AGO1: variants seen among roughly 807,000 people sequenced by gnomAD.
AGO1 encodes the protein protein argonaute-1.
AGO1 carries 11 observed loss-of-function variants against 109.2 expected under a neutral mutation model. The observed-to-expected ratio is 0.10, with a 90% CI of 0.06 to 0.17. The LOEUF (loss-of-function observed/expected upper bound fraction) is 0.17, where lower values mean the gene tolerates loss of function less well. Ranked by LOEUF, AGO1 falls within the 10% of genes least tolerant of loss-of-function variation. The probability of loss-of-function intolerance (pLI) is 1.00; values close to 1 mark genes in which losing one functional copy is unlikely to be tolerated. For missense variants in AGO1, 574 were observed against 1,140.3 expected, an observed-to-expected ratio of 0.50 and a Z score of 7.15; for synonymous variants, 422 against 418.6, an observed-to-expected ratio of 1.01 and a Z score of -0.10.
intron 8 of AGO1, among the ~76,000 whole-genome samples, chr1:35,895,716 C>T (rs1370210746): frequency 6.6e-6 from 1 of 152,082 alleles, no homozygotes; most frequent in African/African-American, 2.4e-5. Flanking sequence ...AGTTTTAGCC[C>T]CAAGATTGTC....
intron 2 of AGO1, 57 bp from the exon 3 acceptor site, chr1:35,892,500 A>G: frequency 6.2e-7 from 1 of 1,613,358 alleles, no homozygotes; most frequent in Non-Finnish European, 8.5e-7. Context: ...AATTACTTCC[A>G]AAACTTGAAG....
intron 11 of AGO1, among the ~76,000 whole-genome samples, chr1:35,904,487 T>C (rs1313641444): frequency 6.6e-6 from 1 of 152,226 alleles, no homozygotes; most frequent in Non-Finnish European, 1.5e-5. Flanking sequence ...CTTTGTGCCA[T>C]AGTCACTTCA....
chr1:35,888,736 A>C lies in AGO1; in HGVS notation c.209+126A>C. The C allele has an allele frequency of 4.8e-6, 5 of 1,038,816 alleles. No homozygotes were observed. In the South Asian group the frequency reaches 8.4e-5, roughly 18 times the overall value. 64.3% of individuals were successfully genotyped at this position (1,038,816 alleles called of 1,614,324 possible). A position where few individuals can be genotyped will look rare whatever the true frequency, so the allele number is the denominator to read the frequency against. On this transcript the variant is annotated intron_variant, in intron 2 of 18. Transcript: ENST00000373204. The surrounding 1 kb of genome is among the most constrained non-coding windows in gnomAD (Gnocchi z 4.1). ...ATCTAAGGAAGTTTTTGAACGGGAG[A>C]TGCCACGTCGGGTAAATGCTGAAAA...
chr1:35,901,442 G>T lies in AGO1; in HGVS notation c.1021-32G>T, dbSNP rs1413993794. On this transcript the variant is annotated intron_variant, in intron 8 of 18. Coordinates refer to ENST00000373204, the MANE Select transcript of AGO1 (RefSeq NM_012199.5). This position sits in a 1 kb window ranked among gnomAD's most constrained non-coding sequence, Gnocchi z 4.8. Reference sequence around the variant, plus strand: ...TGGGTACAGGGTGGACTGTACTCAAGCCAGAGCTACCTGTCCTTCTTGTTT... The same window carrying T: ...TGGGTACAGGGTGGACTGTACTCAATCCAGAGCTACCTGTCCTTCTTGTTT... The T allele has an allele frequency of 6.2e-7, 1 of 1,613,622 alleles. No individual in the cohort carries two copies. The highest frequency in any genetic ancestry group is 2.2e-5 in the East Asian group (1 of 44,868).
At position 35,915,496 on chromosome 1, in the gene AGO1, G is replaced by A; in HGVS notation, c.1982G>A (p.Arg661His). ...AAGTCCACCCGTTTCAAGCCTACCC[G>A]CATCATCTTCTACCGAGATGGGGTG... ...FYKSTRFKPT[R>H]IIFYRDGVPE... The change falls in exon 15 of 19, where the codon CGC (arginine) becomes CAC (histidine). Residue 661 changes from arginine to histidine, a missense_variant. Physicochemically the swap from Arg to His is conservative, Grantham distance 29. This residue lies in a region of AGO1 where 45 missense variants were observed against 61.3 expected (regional missense o/e 0.73). Coordinates refer to ENST00000373204, the MANE Select transcript of AGO1 (RefSeq NM_012199.5). The A allele has an allele frequency of 6.2e-7, 1 of 1,614,106 alleles. No homozygotes were observed. The highest frequency in any genetic ancestry group is 1.1e-5 in the South Asian group (1 of 91,076).
rs1206979418 is a variant in AGO1 at position 35,913,778 on chromosome 1, G to A, written c.1583-64G>A. ...TCCCTAGCACCTCATACACTGCCTG[G>A]CATCTAGTAGGCATTCAGTAAATAT... is the stretch of plus-strand genomic sequence containing the variant. On this transcript the variant is annotated intron_variant, in intron 12 of 18. Coordinates refer to ENST00000373204, the MANE Select transcript of AGO1 (RefSeq NM_012199.5). The A allele has an allele frequency of 2.3e-5, 35 of 1,538,310 alleles. No homozygotes were observed. In the East Asian group the frequency reaches 7.0e-4, roughly 31 times the overall value.
At position 35,900,146 on chromosome 1, in the gene AGO1, C is replaced by T. The variant is rs1488305939; in HGVS notation, c.1021-1328C>T. ...CACACCAGCAGAGGACACTGTCAGC[C>T]AACAGAGACAGTGATAGCTGTAGGC... On this transcript the variant is annotated intron_variant, in intron 8 of 18. Transcript: ENST00000373204. Among the ~76,000 whole-genome samples, 9 of 152,156 alleles carry T rather than the reference C, an allele frequency of 5.9e-5. No homozygotes were observed. The South Asian group carries it at 1.9e-3, about 32-fold the overall frequency.
chr1:35,926,479 C>A lies in AGO1; in HGVS notation c.*6872C>A, dbSNP rs1011597209. 5 of 152,152 alleles carry A rather than the reference C, an allele frequency of 3.3e-5. No homozygotes were observed. The highest frequency in any genetic ancestry group is 6.5e-5 in the Admixed American group (1 of 15,270). The allele number at this position is 152,152 out of a possible 1,614,324, so 9.4% of individuals were successfully genotyped here. ...TGGTATCTCTTGGTGTAGCAGACCC[C>A]AGAATCTCATGGCAATTAGGATTTG... On this transcript the variant is annotated 3_prime_UTR_variant, in exon 19 of 19. Coordinates refer to ENST00000373204, the MANE Select transcript of AGO1 (RefSeq NM_012199.5).
chr1:35,915,765 T>C (rs1263776644), intron 15 of AGO1, among the ~76,000 whole-genome samples: 1 of 152,238 alleles, frequency 6.6e-6, no homozygotes, highest in Non-Finnish European at 1.5e-5. Flanking sequence ...ATTTAAGTAG[T>C]TGGTTCATGT....
rs1434722116 is a variant in AGO1 at position 35,929,080 on chromosome 1, A to G, written c.*9473A>G. 2 of 152,250 alleles carry G rather than the reference A, an allele frequency of 1.3e-5. No homozygotes were observed. The highest frequency in any genetic ancestry group is 1.3e-4 in the Admixed American group (2 of 15,292). The allele number at this position is 152,250 out of a possible 1,614,324, so 9.4% of individuals were successfully genotyped here. A position where few individuals can be genotyped will look rare whatever the true frequency, so the allele number is the denominator to read the frequency against. ...CTGGCACTGTTCTAGGTACTGGGGC[A>G]ATGACAGTTAAGATAATACCCAATG... is the stretch of plus-strand genomic sequence containing the variant. On this transcript the variant is annotated 3_prime_UTR_variant, in exon 19 of 19. Transcript: ENST00000373204.
At chr1:35,881,700 T>G (rs1221568350), upstream of AGO1, among the ~76,000 whole-genome samples, 1 of 152,248 alleles carries the variant, frequency 6.6e-6, no homozygotes, top group Non-Finnish European at 1.5e-5. Flanking sequence ...AGGCATGGTA[T>G]AAGTGTCAGA....
intron 12 of AGO1, among the ~76,000 whole-genome samples, chr1:35,913,409 CTCT>C (rs1443446850): frequency 3.3e-5 from 5 of 152,178 alleles, no homozygotes; most frequent in African/African-American, 4.8e-5. Context: ...GCTCCCCTTG[CTCT>C]TCTTTTTAGC....
At chr1:35,874,270 C>T (rs539221663) in intron 1 of AGO1, among the ~76,000 whole-genome samples, 8 of 152,268 alleles carry the variant, frequency 5.3e-5, no homozygotes, top group East Asian at 1.9e-4. Context: ...TGGGCTCAAT[C>T]GATCCTCCCA....
chr1:35,883,645 T>C lies in AGO1; in HGVS notation c.25+199T>C, dbSNP rs1478035739. On this transcript the variant is annotated intron_variant, in intron 1 of 18. Transcript: ENST00000373204. The surrounding 1 kb of genome is among the most constrained non-coding windows in gnomAD (Gnocchi z 5.4). ...AGAGCCCTGAGATGGGGGCTGTTTGTCCAAGGAGGCTGTATACAGTCCTGC... is the reference window on the plus strand; with the variant it reads ...AGAGCCCTGAGATGGGGGCTGTTTGCCCAAGGAGGCTGTATACAGTCCTGC... 6.6e-6 allele frequency among the ~76,000 whole-genome samples: 1 copy of C among 152,142 alleles called. No individual in the cohort carries two copies. The highest frequency in any genetic ancestry group is 1.9e-4 in the East Asian group (1 of 5,176).
chr1:35,890,563 G>A (rs1645199715), intron 2 of AGO1, among the ~76,000 whole-genome samples: 1 of 152,054 alleles, frequency 6.6e-6, no homozygotes, highest in Non-Finnish European at 1.5e-5. Context: ...AATCTATTGA[G>A]GAACATTTGA....
chr1:35,914,487 G>C (rs145941862), intron 14 of AGO1, among the ~76,000 whole-genome samples: 1 of 152,268 alleles, frequency 6.6e-6, no homozygotes, highest in African/African-American at 2.4e-5. Flanking sequence ...TGTAGCCAGA[G>C]ACTTGACTCA....
chr1:35,890,115 C>G (rs571833370), intron 2 of AGO1, among the ~76,000 whole-genome samples: 3 of 151,852 alleles, frequency 2.0e-5, no homozygotes, highest in Non-Finnish European at 4.4e-5. Context: ...CTCTGCCTCC[C>G]GGGTTCAAGC....
intron 1 of AGO1, among the ~76,000 whole-genome samples, chr1:35,887,389 TCTTC>T (rs575210217): frequency 1.3e-5 from 2 of 152,248 alleles, no homozygotes; most frequent in East Asian, 3.9e-4. Context: ...TTTTTTTCTC[TCTTC>T]CCCCCAAGCT....
chr1:35,898,478 G>A (rs1384355127), intron 8 of AGO1, among the ~76,000 whole-genome samples: 1 of 151,938 alleles, frequency 6.6e-6, no homozygotes, highest in Non-Finnish European at 1.5e-5. Flanking sequence ...GAATGGTCTC[G>A]ATCTCCTGAC....
Sources: gnomAD v4.1 joint callset for allele counts (sites outside exome capture counted in the v4.1 genomes callset) on GRCh38, gnomAD v4.1.1 for gene constraint, gnomAD v4.1.1 regional missense constraint, Gnocchi (gnomAD v3.1) non-coding constraint, MANE v1.5 for transcripts, NCBI Gene and HGNC (gene_info 2026-07-23, HGNC 2026-07-21) for gene names.